Variants in ESRRB observed in about 807,000 individuals in gnomAD.
The protein encoded by ESRRB is steroid hormone receptor ERR2.
Under a neutral mutation model 46.0 loss-of-function variants are expected in ESRRB, and 16 were observed. That is an observed-to-expected ratio of 0.35 (90% CI 0.24 to 0.53). The LOEUF (loss-of-function observed/expected upper bound fraction) is 0.53, where lower values mean the gene tolerates loss of function less well. Ranked by LOEUF, ESRRB falls within the 20% of genes least tolerant of loss-of-function variation. The pLI is 0.93. For missense variants in ESRRB, 488 were observed against 607.4 expected (o/e 0.80, Z 2.07); for synonymous variants, 246 against 259.6 (o/e 0.95, Z 0.50).
At chr14:76,442,891 C>G (rs538232866) in intron 2 of ESRRB, among the ~76,000 whole-genome samples, 3 of 149,586 alleles carry the variant, frequency 2.0e-5, no homozygotes, top group Non-Finnish European at 3.0e-5. Flanking sequence ...CTTGGCTCAC[C>G]GCAACCTCCA....
intron 1 of ESRRB, among the ~76,000 whole-genome samples, chr14:76,414,668 TAAAAAAAAAAA>T (rs71452810): frequency 1.3e-4 from 15 of 116,852 alleles, no homozygotes; most frequent in Admixed American, 8.8e-4. Context: ...GTTTGTTCCT[TAAAAAAAAAAA>T]AAAAAAAAAA....
At chr14:76,476,694 C>A (rs1262762113) in intron 3 of ESRRB, among the ~76,000 whole-genome samples, 1 of 151,204 alleles carries the variant, frequency 6.6e-6, no homozygotes, top group Non-Finnish European at 1.5e-5. Context: ...CCTGGAGATG[C>A]GCAGCTGCTG....
At chr14:76,347,441 C>CCATGTGTGTCT (rs1271655826) in intron 1 of ESRRB, among the ~76,000 whole-genome samples, 1 of 33,866 alleles carries the variant, frequency 3.0e-5, no homozygotes, top group African/African-American at 7.4e-5. Context: ...GTGTCACACA[C>CCATGTGTGTCT]ACACACCGAG....
chr14:76,387,553 T>A (rs1344745321), intron 1 of ESRRB, among the ~76,000 whole-genome samples: 3 of 152,156 alleles, frequency 2.0e-5, no homozygotes, highest in Non-Finnish European at 4.4e-5. Context: ...TGCCTTGTAG[T>A]GTGGTATTCC....
intron 2 of ESRRB, among the ~76,000 whole-genome samples, chr14:76,441,343 G>A (rs571426393): frequency 2.6e-5 from 4 of 152,330 alleles, no homozygotes; most frequent in East Asian, 1.9e-4. Context: ...CTGGTGGGTC[G>A]CTCTGTAAAG....
chr14:76,366,595 G>C (rs1279896251), upstream of ESRRB, among the ~76,000 whole-genome samples: 1 of 152,214 alleles, frequency 6.6e-6, no homozygotes, highest in South Asian at 2.1e-4. Flanking sequence ...TGTTGGATGT[G>C]TGTGCACGTG....
At position 76,439,362 on chromosome 14, in the gene ESRRB, G is replaced by A. The variant is rs755277884; in HGVS notation, c.72G>A (p.Ser24=). The A allele has an allele frequency of 5.0e-6, 8 of 1,613,504 alleles. No individual in the cohort carries two copies. In the South Asian group the frequency reaches 5.5e-5, roughly 11 times the overall value. The part of the protein sequence containing the change: ...YHNQLLNRMS[S]DDRHLGSSCG... ...ACAGGCTGCTGAACAGGATGTCCTC[G>A]GACGACAGGCACCTGGGCTCCAGCT... Residue 24 remains serine, a synonymous_variant, in exon 2 of 7, where the codon TCG becomes TCA. Transcript: ENST00000644823.
intron 1 of ESRRB, among the ~76,000 whole-genome samples, chr14:76,322,445 C>T (rs1883879149): frequency 6.6e-6 from 1 of 152,236 alleles, no homozygotes; most frequent in Non-Finnish European, 1.5e-5. Context: ...TTTCCCCTAC[C>T]TTATCACGTC....
At chr14:76,385,002 G>C (rs1447282385) in intron 1 of ESRRB, among the ~76,000 whole-genome samples, 1 of 152,062 alleles carries the variant, frequency 6.6e-6, no homozygotes, top group Admixed American at 6.5e-5. Context: ...CCTGAAGCCT[G>C]CTCACCTACA....
intron 6 of ESRRB, among the ~76,000 whole-genome samples, chr14:76,493,149 C>CTTTAT (rs886083034): frequency 6.6e-6 from 1 of 151,982 alleles, no homozygotes; most frequent in African/African-American, 2.4e-5. Context: ...CTTCCAAGCA[C>CTTTAT]TTTATTTTAT....
intron 1 of ESRRB, among the ~76,000 whole-genome samples, chr14:76,349,112 G>C (rs8015426): frequency 0.25 from 38,770 of 152,156 alleles, 6,926 homozygotes; most frequent in African/African-American, 0.5. Context: ...TGTGACCAGG[G>C]GGGTCACAGA....
chr14:76,404,456 T>A (rs953298160), intron 1 of ESRRB: 1 of 152,160 alleles, frequency 6.6e-6, no homozygotes, highest in Non-Finnish European at 1.5e-5. Flanking sequence ...TCCAGAACTT[T>A]GAGGTATCTA....
chr14:76,453,191 C>T (rs1888466857), intron 2 of ESRRB, among the ~76,000 whole-genome samples: 1 of 152,214 alleles, frequency 6.6e-6, no homozygotes, highest in Non-Finnish European at 1.5e-5. Context: ...CCCTGCGGAA[C>T]AGAAGGAGCA....
chr14:76,404,041 C>G (rs1405206031), intron 1 of ESRRB, among the ~76,000 whole-genome samples: 1 of 152,158 alleles, frequency 6.6e-6, no homozygotes, highest in Non-Finnish European at 1.5e-5. Flanking sequence ...TTCTTGTGCT[C>G]CAATCATTGG....
chr14:76,488,100 T>A (rs1890087601), intron 5 of ESRRB, among the ~76,000 whole-genome samples: 1 of 152,180 alleles, frequency 6.6e-6, no homozygotes, highest in Non-Finnish European at 1.5e-5. Flanking sequence ...CATTCCGACC[T>A]CCTAAAAGTC....
Position 76,499,965 on chromosome 14 carries a change from A to T in ESRRB, c.*1507A>T. 3 of 1,609,120 alleles carry T rather than the reference A, an allele frequency of 1.9e-6. No homozygotes were observed. The highest frequency in any genetic ancestry group is 2.5e-6 in the Non-Finnish European group (3 of 1,177,728). On this transcript the variant is annotated 3_prime_UTR_variant, in exon 7 of 7. Coordinates refer to ENST00000644823, the MANE Select transcript of ESRRB (RefSeq NM_001379180.1). ...AGCTGCCTTCACAAGCAGGGATCAG[A>T]GCAACTCCCCGGGGATCCCCAATCC...
chr14:76,371,786 G>A (rs894766130), upstream of ESRRB, among the ~76,000 whole-genome samples: 3 of 152,190 alleles, frequency 2.0e-5, no homozygotes, highest in South Asian at 4.1e-4. Flanking sequence ...TGAGGAAGCC[G>A]TCAAGTCCTC....
intron 3 of ESRRB, among the ~76,000 whole-genome samples, chr14:76,478,762 T>C (rs1448691193): frequency 6.6e-6 from 1 of 152,080 alleles, no homozygotes; most frequent in Non-Finnish European, 1.5e-5. Context: ...GGCTTCTATG[T>C]AGACATGTCA....
At chr14:76,320,349 G>A (rs1469360883) in intron 1 of ESRRB, among the ~76,000 whole-genome samples, 4 of 152,260 alleles carry the variant, frequency 2.6e-5, no homozygotes, top group South Asian at 4.1e-4. Context: ...GGCTTTCTAC[G>A]AGCCACTTCA....
Sources: allele counts gnomAD v4.1 joint callset (sites outside exome capture counted in the v4.1 genomes callset), GRCh38; gene constraint gnomAD v4.1.1; transcripts MANE v1.5; gene names NCBI Gene and HGNC (gene_info 2026-07-23, HGNC 2026-07-21).